The following NLGN1 variants were observed in gnomAD, a reference collection of about 807,000 sequenced individuals.
NLGN1 encodes neuroligin-1.
Under a neutral mutation model 65.5 loss-of-function variants are expected in NLGN1, and 12 were observed. The ratio of observed to expected loss-of-function variants is 0.18; its 90% CI spans 0.12 to 0.30. The LOEUF (loss-of-function observed/expected upper bound fraction) is 0.30, where lower values mean the gene tolerates loss of function less well. NLGN1 is among the 10% of genes least tolerant of loss of function. The probability of loss-of-function intolerance (pLI) is 1.00; values close to 1 mark genes in which losing one functional copy is unlikely to be tolerated. For synonymous variants in NLGN1, 350 were observed against 359.5 expected, an observed-to-expected ratio of 0.97 and a Z score of 0.30; for missense variants, 750 against 1,007.1, an observed-to-expected ratio of 0.74 and a Z score of 3.46.
chr3:174,291,257 C>T (rs1414310974), downstream of NLGN1, among the ~76,000 whole-genome samples: 3 of 150,646 alleles, frequency 2.0e-5, no homozygotes, highest in Non-Finnish European at 4.5e-5. Context: ...AAAGAAGACT[C>T]AATATGCATG....
chr3:173,712,556 T>G (rs1023040090), intron 3 of NLGN1, among the ~76,000 whole-genome samples: 5 of 152,214 alleles, frequency 3.3e-5, no homozygotes, highest in Non-Finnish European at 7.3e-5. Context: ...TTGAAGCTTA[T>G]GTTTCTTACT....
intron 4 of NLGN1, among the ~76,000 whole-genome samples, chr3:174,045,163 T>C (rs35246416): frequency 0.028 from 4,324 of 152,262 alleles, 102 homozygotes; most frequent in Non-Finnish European, 0.041. Context: ...CCAGTAACAA[T>C]TGACTGTGTT....
At chr3:173,584,617 A>C (rs1160594119) in intron 2 of NLGN1, 1 of 151,912 alleles carries the variant, frequency 6.6e-6, no homozygotes, top group African/African-American at 2.4e-5. Context: ...GGATTATCTG[A>C]TTGCAGCCGA....
At chr3:173,847,602 A>C (rs1726029768) in intron 4 of NLGN1, among the ~76,000 whole-genome samples, 2 of 152,130 alleles carry the variant, frequency 1.3e-5, no homozygotes, top group Non-Finnish European at 2.9e-5. Context: ...AATATATTAT[A>C]TTTTAAAATG....
In NLGN1 at chr3:174,280,646, C is replaced by G; in HGVS notation, c.1815C>G (p.Leu605=). The change falls in exon 7 of 7, where the codon CTC becomes CTG. Residue 605 remains leucine, a synonymous_variant. Transcript: ENST00000457714. This position sits in a 1 kb window ranked among gnomAD's most constrained non-coding sequence, Gnocchi z 4.9. ...ATTACAGAGCCAATAAGGTGAACCTCTGGTTGGAGTTGGTACCTCATCTGC... is the reference window on the plus strand; with the variant it reads ...ATTACAGAGCCAATAAGGTGAACCTGTGGTTGGAGTTGGTACCTCATCTGC... The G allele has an allele frequency of 6.2e-7, 1 of 1,613,308 alleles. No individual in the cohort carries two copies. Among genetic ancestry groups the G allele is most frequent in the Non-Finnish European group, 8.5e-7 (1 of 1,179,514 alleles).
chr3:174,254,223 A>C (rs1487864574), intron 4 of NLGN1, among the ~76,000 whole-genome samples: 1 of 151,876 alleles, frequency 6.6e-6, no homozygotes, highest in African/African-American at 2.4e-5. Context: ...ACCAAAATAC[A>C]TACCATATGG....
At chr3:173,697,064 T>TA (rs1766331264) in intron 3 of NLGN1, among the ~76,000 whole-genome samples, 1 of 152,222 alleles carries the variant, frequency 6.6e-6, no homozygotes, top group Non-Finnish European at 1.5e-5. Context: ...CTCATCATTT[T>TA]AAAAATATGA....
At chr3:174,069,539 T>C (rs1056629665) in intron 4 of NLGN1, among the ~76,000 whole-genome samples, 2 of 152,210 alleles carry the variant, frequency 1.3e-5, no homozygotes, top group East Asian at 1.9e-4. Flanking sequence ...TATAAACCTA[T>C]GTTATCAAAA....
intron 4 of NLGN1, among the ~76,000 whole-genome samples, chr3:173,909,606 G>A (rs1739162744): frequency 6.6e-6 from 1 of 152,176 alleles, no homozygotes; most frequent in South Asian, 2.1e-4. Flanking sequence ...TTACATTTAA[G>A]TATGGACTTC....
intron 4 of NLGN1, among the ~76,000 whole-genome samples, chr3:174,271,486 G>A (rs1577724105): frequency 6.6e-6 from 1 of 151,812 alleles, no homozygotes; most frequent in East Asian, 1.9e-4. Context: ...TACAACAGTA[G>A]CCCAAGCCCA....
intron 2 of NLGN1, among the ~76,000 whole-genome samples, chr3:173,440,178 C>T (rs1040695995): frequency 6.6e-6 from 1 of 152,138 alleles, no homozygotes; most frequent in African/African-American, 2.4e-5. Flanking sequence ...TTGTTCATGA[C>T]ATTGCAGCAA....
At chr3:173,965,481 C>CT (rs1298101645) in intron 4 of NLGN1, among the ~76,000 whole-genome samples, 10,622 of 134,292 alleles carry the variant, frequency 0.079, 443 homozygotes, top group Middle Eastern at 0.14. Context: ...CCAGGCCCGG[C>CT]TTTTTTTTTT....
chr3:174,154,412 C>T (rs1011788231), intron 4 of NLGN1, among the ~76,000 whole-genome samples: 4 of 151,840 alleles, frequency 2.6e-5, no homozygotes, highest in Non-Finnish European at 5.9e-5. Flanking sequence ...TAAATTGTTC[C>T]GTAGGTGACA....
At chr3:174,092,663 C>T (rs774431914) in intron 4 of NLGN1, among the ~76,000 whole-genome samples, 2 of 151,998 alleles carry the variant, frequency 1.3e-5, no homozygotes, top group Non-Finnish European at 2.9e-5. Context: ...TATTTTACTT[C>T]AGCAGGGAAA....
intron 4 of NLGN1, among the ~76,000 whole-genome samples, chr3:174,236,034 T>C (rs1741639948): frequency 6.6e-6 from 1 of 152,210 alleles, no homozygotes; most frequent in Admixed American, 6.5e-5. Context: ...TATTCACTGC[T>C]CTTTCTTCAA....
chr3:173,397,424 T>G (rs2148586624), upstream of NLGN1, among the ~76,000 whole-genome samples: 1 of 152,132 alleles, frequency 6.6e-6, no homozygotes, highest in African/African-American at 2.4e-5. Flanking sequence ...TTCCCCTCAT[T>G]TCTTCTTCTG....
intron 2 of NLGN1, among the ~76,000 whole-genome samples, chr3:173,483,592 T>G (rs1727660546): frequency 6.6e-6 from 1 of 152,258 alleles, no homozygotes; most frequent in African/African-American, 2.4e-5. Flanking sequence ...AAGACAAAGT[T>G]AATGATATTG....
At chr3:173,454,490 C>T (rs1722184521) in intron 2 of NLGN1, among the ~76,000 whole-genome samples, 1 of 152,240 alleles carries the variant, frequency 6.6e-6, no homozygotes, top group Non-Finnish European at 1.5e-5. Flanking sequence ...TAGCCACCTT[C>T]ATCAGTGATC....
chr3:174,274,086 A>G (rs1429108131), intron 4 of NLGN1, among the ~76,000 whole-genome samples: 1 of 151,760 alleles, frequency 6.6e-6, no homozygotes, highest in East Asian at 1.9e-4. Context: ...GAGAGAATGA[A>G]TTTTTAAAAA....
Sources: allele counts gnomAD v4.1 joint callset (sites outside exome capture counted in the v4.1 genomes callset), GRCh38; gene constraint gnomAD v4.1.1; non-coding constraint Gnocchi (gnomAD v3.1); transcripts MANE v1.5; gene names NCBI Gene and HGNC (gene_info 2026-07-23, HGNC 2026-07-21).